HSD17B12: variants seen among roughly 807,000 people sequenced by gnomAD.
HSD17B12 encodes very-long-chain 3-oxoacyl-CoA reductase.
Under a neutral mutation model 39.3 loss-of-function variants are expected in HSD17B12, and 32 were observed. That is an observed-to-expected ratio of 0.81 (90% CI 0.61 to 1.09). The LOEUF (loss-of-function observed/expected upper bound fraction) is 1.09, where lower values mean the gene tolerates loss of function less well. Ranked by LOEUF, HSD17B12 falls within the 50% of genes least tolerant of loss-of-function variation. The pLI is 0.00. For missense variants in HSD17B12, 342 were observed against 382.9 expected (o/e 0.89, Z 0.89); for synonymous variants, 150 against 146.7 (o/e 1.02, Z -0.16).
chr11:43,583,090 C>T, the HSD17B12 span, among the ~76,000 whole-genome samples: 3 of 152,172 alleles, frequency 2.0e-5, no homozygotes, highest in African/African-American at 7.2e-5. Flanking sequence ...TCTTACATAC[C>T]CCTCCTCTTC....
intron 2 of HSD17B12, among the ~76,000 whole-genome samples, 196 bp downstream of exon 2, chr11:43,751,153 A>G (rs1950461583): frequency 6.6e-6 from 1 of 152,228 alleles, no homozygotes; most frequent in Non-Finnish European, 1.5e-5. Flanking sequence ...AACAAATTTC[A>G]TGTAAAATAA....
intron 1 of HSD17B12, among the ~76,000 whole-genome samples, chr11:43,742,252 C>G (rs1275225072): frequency 1.3e-5 from 2 of 151,358 alleles, no homozygotes; most frequent in South Asian, 2.1e-4. Context: ...ATCCTCCTGC[C>G]TCAGCTTCCC....
intron 3 of HSD17B12, among the ~76,000 whole-genome samples, chr11:43,763,583 C>A (rs577303404): frequency 7.3e-6 from 1 of 137,354 alleles, no homozygotes; most frequent in East Asian, 2.0e-4. Flanking sequence ...ATATTTTATA[C>A]CCTTATATAT....
chr11:43,654,608 A>C, the HSD17B12 span, among the ~76,000 whole-genome samples: 96 of 152,222 alleles, frequency 6.3e-4, no homozygotes, highest in African/African-American at 1.6e-3. Flanking sequence ...TCAGCTTTCT[A>C]CATATGGCTA....
At position 43,680,784 on chromosome 11, in the gene HSD17B12, T is replaced by G. The variant is rs752010203; in HGVS notation, c.-44T>G. 30 of 1,556,218 alleles carry G rather than the reference T, an allele frequency of 1.9e-5. No homozygotes were observed. The highest frequency in any genetic ancestry group is 2.4e-5 in the Non-Finnish European group (27 of 1,127,634). On this transcript the variant is annotated 5_prime_UTR_variant, in exon 1 of 11. Coordinates refer to ENST00000278353, the MANE Select transcript of HSD17B12 (RefSeq NM_016142.3). ...GGCGCCTCCTCCTGGATTCATTCAC[T>G]CGCTCTTTTCATTCACGAAGGTAGT...
chr11:43,822,349 A>G (rs1442321833), intron 6 of HSD17B12, among the ~76,000 whole-genome samples: 3 of 152,090 alleles, frequency 2.0e-5, no homozygotes, highest in Non-Finnish European at 2.9e-5. Context: ...TTTTTTTATT[A>G]TACTTAAAGT....
chr11:43,679,048 T>C (rs190367758), upstream of HSD17B12, among the ~76,000 whole-genome samples: 2,179 of 152,340 alleles, frequency 0.014, 62 homozygotes, highest in African/African-American at 0.049. Flanking sequence ...TTCACGATAT[T>C]GATTCTTCCT....
chr11:43,714,472 C>T (rs1950101266), intron 1 of HSD17B12, among the ~76,000 whole-genome samples: 2 of 152,122 alleles, frequency 1.3e-5, no homozygotes, highest in Admixed American at 1.3e-4. Context: ...TGTTCTGTTC[C>T]ATTGGTCTGT....
chr11:43,820,647 G>A (rs1951173614), intron 6 of HSD17B12, among the ~76,000 whole-genome samples: 1 of 151,798 alleles, frequency 6.6e-6, no homozygotes, highest in Admixed American at 6.5e-5. Context: ...CTCAGAAAAG[G>A]CCTGTATAAG....
At chr11:43,812,751 T>C (rs941364367) in intron 4 of HSD17B12, among the ~76,000 whole-genome samples, 2 of 152,218 alleles carry the variant, frequency 1.3e-5, no homozygotes, top group African/African-American at 4.8e-5. Context: ...CTATGTTAAA[T>C]AGATGTTCAC....
At chr11:43,665,820 A>G in the HSD17B12 span, among the ~76,000 whole-genome samples, 2 of 152,214 alleles carry the variant, frequency 1.3e-5, no homozygotes, top group Non-Finnish European at 2.9e-5. Flanking sequence ...TTATCTTCTG[A>G]TCTGGGTGAT....
At chr11:43,742,105 C>T (rs768450984) in intron 1 of HSD17B12, among the ~76,000 whole-genome samples, 5 of 127,924 alleles carry the variant, frequency 3.9e-5, no homozygotes, top group Admixed American at 2.5e-4. Flanking sequence ...AGCTTTAAGG[C>T]AAAGGAAATA....
At chr11:43,590,119 G>T in the HSD17B12 span, among the ~76,000 whole-genome samples, 1 of 152,104 alleles carries the variant, frequency 6.6e-6, no homozygotes, top group Admixed American at 6.5e-5. Flanking sequence ...AAGGAGAAAA[G>T]TGAATGTAAA....
the HSD17B12 span, chr11:43,645,591 T>C: frequency 6.6e-6 from 1 of 152,220 alleles, no homozygotes; most frequent in Non-Finnish European, 1.5e-5. Context: ...ATATAAAAAC[T>C]AAATAAACCA....
At chr11:43,838,428 T>C (rs749345218) in intron 8 of HSD17B12, 30 bp downstream of exon 8, 1 of 1,489,630 alleles carries the variant, frequency 6.7e-7, no homozygotes, top group South Asian at 1.1e-5. Context: ...ATCATGTCAA[T>C]ATAGTAATAA....
chr11:43,694,485 G>A lies in HSD17B12; in HGVS notation c.160+13498G>A, dbSNP rs1298133474. On this transcript the variant is annotated intron_variant, in intron 1 of 10. Coordinates refer to ENST00000278353, the MANE Select transcript of HSD17B12 (RefSeq NM_016142.3). Reference sequence around the variant, plus strand: ...GGAAGCTGAGGTGGGAGGATTGCTTGAGCCCAGGAGTTCCAGATCAGCCAG... The same window carrying A: ...GGAAGCTGAGGTGGGAGGATTGCTTAAGCCCAGGAGTTCCAGATCAGCCAG... Among the ~76,000 whole-genome samples the A allele has an allele frequency of 6.6e-5, 10 of 152,022 alleles. No individual in the cohort carries two copies. In the South Asian group the frequency reaches 2.1e-3, roughly 32 times the overall value.
At chr11:43,628,786 T>C in the HSD17B12 span, among the ~76,000 whole-genome samples, 1 of 151,692 alleles carries the variant, frequency 6.6e-6, no homozygotes, top group African/African-American at 2.4e-5. Flanking sequence ...ATTAAATTAA[T>C]AATTTAATAA....
chr11:43,758,643 G>A (rs7110115), intron 3 of HSD17B12, among the ~76,000 whole-genome samples: 33,539 of 152,096 alleles, frequency 0.22, 3,950 homozygotes, highest in Middle Eastern at 0.37. Context: ...TGGTAAATGT[G>A]AGCTGACAGT....
At chr11:43,778,971 T>C (rs1950738257) in intron 3 of HSD17B12, among the ~76,000 whole-genome samples, 1 of 152,226 alleles carries the variant, frequency 6.6e-6, no homozygotes, top group Admixed American at 6.5e-5. Context: ...AGAATATGTA[T>C]TTACTGAAAG....
Sources: gnomAD v4.1 joint callset for allele counts (sites outside exome capture counted in the v4.1 genomes callset) on GRCh38, gnomAD v4.1.1 for gene constraint, MANE v1.5 for transcripts, NCBI Gene and HGNC (gene_info 2026-07-23, HGNC 2026-07-21) for gene names.